WRNIP1: variants seen among roughly 807,000 people sequenced by gnomAD.
WRNIP1 encodes WRN helicase interacting protein 1.
WRNIP1 carries 41 observed loss-of-function variants against 56.1 expected under a neutral mutation model. That is an observed-to-expected ratio of 0.73 (90% CI 0.57 to 0.95). The LOEUF is 0.95. Among genes scored for constraint, WRNIP1 ranks in the 40% least tolerant of loss-of-function variants. The pLI is 0.00. For synonymous variants in WRNIP1, 547 were observed against 398.1 expected, an observed-to-expected ratio of 1.37 and a Z score of -4.45; for missense variants, 1,170 against 939.4, an observed-to-expected ratio of 1.25 and a Z score of -3.21.
intron 3 of WRNIP1, among the ~76,000 whole-genome samples, chr6:2,772,125 A>G (rs1277820827): frequency 6.6e-6 from 1 of 152,232 alleles, no homozygotes; most frequent in African/African-American, 2.4e-5. Flanking sequence ...GCAGCCAAGG[A>G]GCTCATCCTT....
intron 3 of WRNIP1, among the ~76,000 whole-genome samples, chr6:2,775,236 A>G (rs182587689): frequency 6.6e-6 from 1 of 152,128 alleles, no homozygotes; most frequent in Admixed American, 6.5e-5. Context: ...CTCTCTTGGC[A>G]CTTCTTTGTG....
chr6:2,771,195 T>TC (rs1011068947), intron 3 of WRNIP1, among the ~76,000 whole-genome samples: 11 of 152,226 alleles, frequency 7.2e-5, no homozygotes, highest in Admixed American at 6.5e-4. Flanking sequence ...GAGGCCAAGT[T>TC]CTGGAGCCAC....
chr6:2,781,190 G>A (rs1190081863), intron 4 of WRNIP1, among the ~76,000 whole-genome samples: 2 of 152,182 alleles, frequency 1.3e-5, no homozygotes, highest in Non-Finnish European at 2.9e-5. Flanking sequence ...TCAGTCCTAG[G>A]AATCCCACTT....
At chr6:2,784,049 C>T (rs1765647993) in intron 5 of WRNIP1, among the ~76,000 whole-genome samples, 1 of 152,192 alleles carries the variant, frequency 6.6e-6, no homozygotes, top group Non-Finnish European at 1.5e-5. Context: ...ATAGCCTTCA[C>T]TTCTTATGTT....
In WRNIP1 at chr6:2,765,999, TC is replaced by T; in HGVS notation, c.380del (p.Pro127ArgfsTer155). On this transcript the variant is annotated frameshift_variant, in exon 1 of 7. Coordinates refer to ENST00000380773, the MANE Select transcript of WRNIP1 (RefSeq NM_020135.3). LOFTEE classifies it high-confidence loss of function. ...TPSGARLIPDFPVARSSSPGR... is the reference protein window; with the variant it reads ...TPSGARLIPDXPVARSSSPGR... ...AGCGGCGCCCGCCTTATCCCCGACT[TC>T]CCGGTGGCCCGCTCCAGCAGCCCCG... The T allele has an allele frequency of 7.3e-7, 1 of 1,367,636 alleles. No individual in the cohort carries two copies. The highest frequency in any genetic ancestry group is 3.0e-5 in the Admixed American group (1 of 33,150). The allele number at this position is 1,367,636 out of a possible 1,614,324, so 84.7% of individuals were successfully genotyped here.
intron 4 of WRNIP1, among the ~76,000 whole-genome samples, chr6:2,779,943 A>G (rs953735305): frequency 1.3e-5 from 2 of 152,238 alleles, no homozygotes; most frequent in Non-Finnish European, 2.9e-5. Context: ...CTATACTAAA[A>G]AATAGTCATG....
intron 3 of WRNIP1, chr6:2,774,353 A>G: frequency 1.1e-6 from 1 of 889,666 alleles, no homozygotes; most frequent in East Asian, 1.2e-4. Flanking sequence ...TCTGAAAGCC[A>G]GAAGACCAGA....
chr6:2,767,221 CTT>C (rs1036064299), intron 1 of WRNIP1, among the ~76,000 whole-genome samples: 17 of 152,038 alleles, frequency 1.1e-4, no homozygotes, highest in African/African-American at 3.6e-4. Flanking sequence ...TGGAAAAACA[CTT>C]GAGAAAAAAA....
intron 2 of WRNIP1, among the ~76,000 whole-genome samples, 186 bp downstream of exon 2, chr6:2,769,068 C>T (rs1316746740): frequency 1.3e-5 from 2 of 152,140 alleles, no homozygotes; most frequent in African/African-American, 2.4e-5. Flanking sequence ...CAAGAAAATG[C>T]TTTCTCTATC....
At position 2,765,505 on chromosome 6, in the gene WRNIP1, C is replaced by T. The variant is rs992066005; in HGVS notation, c.-118C>T. On this transcript the variant is annotated 5_prime_UTR_variant, in exon 1 of 7. Transcript: ENST00000380773. ...CGCCCTCCTCCGGCCCGCGAGCGTCCTGCTGGTTCCCCGAGCGAGGGTCTC... is the reference window on the plus strand; with the variant it reads ...CGCCCTCCTCCGGCCCGCGAGCGTCTTGCTGGTTCCCCGAGCGAGGGTCTC... 3.2e-6 allele frequency: 4 copies of T among 1,252,148 alleles called. No homozygotes were observed. Among genetic ancestry groups the T allele is most frequent in the Non-Finnish European group, 4.0e-6 (4 of 990,958 alleles). 77.6% of individuals were successfully genotyped at this position (1,252,148 alleles called of 1,614,324 possible).
chr6:2,768,710 TAGCC>T lies in WRNIP1; in HGVS notation c.846_849del (p.Ser283ThrfsTer7). ...TTCTAGACCACTCTGGCTCACATCATAGCCAGCAACAGCAAGAAACATAGCATAA... is the reference window on the plus strand; with the variant it reads ...TTCTAGACCACTCTGGCTCACATCATAGCAACAGCAAGAAACATAGCATAA... On this transcript the variant is annotated frameshift_variant, in exon 2 of 7. Transcript: ENST00000380773. LOFTEE classifies it high-confidence loss of function. 6.2e-7 allele frequency: 1 copy of T among 1,611,798 alleles called. No individual in the cohort carries two copies. Among genetic ancestry groups the T allele is most frequent in the Non-Finnish European group, 8.5e-7 (1 of 1,178,726 alleles).
chr6:2,779,792 A>G (rs1344367802), intron 4 of WRNIP1, among the ~76,000 whole-genome samples: 7 of 152,226 alleles, frequency 4.6e-5, no homozygotes, highest in African/African-American at 1.7e-4. Flanking sequence ...TGCAGAATAC[A>G]ATCACCTTTG....
Position 2,765,937 on chromosome 6 carries a change from C to T in WRNIP1, c.315C>T (p.Thr105=), listed in dbSNP as rs775929236. ...EGEEGDDGGE[T]ESRESYDAPP... ...AGGAGGGCGACGACGGCGGCGAGACCGAGAGCCGCGAGAGCTACGACGCGC... is the reference window on the plus strand; with the variant it reads ...AGGAGGGCGACGACGGCGGCGAGACTGAGAGCCGCGAGAGCTACGACGCGC... The change falls in exon 1 of 7, where the codon ACC becomes ACT. Residue 105 remains threonine, a synonymous_variant. Coordinates refer to ENST00000380773, the MANE Select transcript of WRNIP1 (RefSeq NM_020135.3). The T allele has an allele frequency of 6.9e-6, 10 of 1,443,188 alleles. No homozygotes were observed. Among genetic ancestry groups the T allele is most frequent in the East Asian group, 3.0e-5 (1 of 33,088 alleles). The allele number at this position is 1,443,188 out of a possible 1,614,324, so 89.4% of individuals were successfully genotyped here. A position where few individuals can be genotyped will look rare whatever the true frequency, so the allele number is the denominator to read the frequency against.
intron 4 of WRNIP1, among the ~76,000 whole-genome samples, chr6:2,780,775 G>GTC (rs371450692): frequency 5.9e-5 from 9 of 152,050 alleles, no homozygotes; most frequent in South Asian, 2.1e-4. Context: ...AGCAGCAGCG[G>GTC]TCTCTCTCTC....
At chr6:2,772,896 A>G in intron 3 of WRNIP1, 2 of 889,798 alleles carry the variant, frequency 2.2e-6, no homozygotes, top group Non-Finnish European at 2.7e-6. Context: ...TCTAGTTGAA[A>G]GAAAAGACTT....
Position 2,779,492 on chromosome 6 carries a change from G to C in WRNIP1, c.1486G>C (p.Gly496Arg), listed in dbSNP as rs751875576. Residue 496 changes from glycine to arginine, a missense_variant and splice_region_variant, in exon 4 of 7, where the codon GGT becomes CGT. By Grantham distance (125) the Gly-to-Arg change is moderately radical. Coordinates refer to ENST00000380773, the MANE Select transcript of WRNIP1 (RefSeq NM_020135.3). ...ATCCCACATTTTATATGACCGGGCA[G>C]GTAAGTAATTCACCTGTGGAAAGAG... ...QRSHILYDRA[G>R]EEHYNCISAL... 2 of 1,612,368 alleles carry C rather than the reference G, an allele frequency of 1.2e-6. No individual in the cohort carries two copies. The highest frequency in any genetic ancestry group is 1.7e-6 in the Non-Finnish European group (2 of 1,179,108).
At chr6:2,776,860 G>A (rs1421564458) in intron 3 of WRNIP1, among the ~76,000 whole-genome samples, 3 of 152,114 alleles carry the variant, frequency 2.0e-5, no homozygotes, top group South Asian at 2.1e-4. Flanking sequence ...AAATACTAAC[G>A]TCAAGGTAGT....
At position 2,779,299 on chromosome 6, in the gene WRNIP1, C is replaced by T. The variant is rs773859251; in HGVS notation, c.1293C>T (p.Thr431=). 1 of 1,614,124 alleles carries T rather than the reference C, an allele frequency of 6.2e-7. No homozygotes were observed. Among genetic ancestry groups the T allele is most frequent in the East Asian group, 2.2e-5 (1 of 44,882 alleles). ...AMFIEDKAVD[T]LAYLSDGDAR... ...TCATAGAGGATAAAGCAGTAGACAC[C>T]CTGGCTTACCTCAGTGACGGTGACG... The change falls in exon 4 of 7, where the codon ACC becomes ACT. Residue 431 remains threonine, a synonymous_variant. Transcript: ENST00000380773.
chr6:2,765,560 AG>A lies in WRNIP1; in HGVS notation c.-61del. On this transcript the variant is annotated 5_prime_UTR_variant, in exon 1 of 7. Coordinates refer to ENST00000380773, the MANE Select transcript of WRNIP1 (RefSeq NM_020135.3). The stretch of plus-strand genomic sequence containing the variant: ...CGCGGGGCCTAGCGGAGGGCATCGA[AG>A]GCCTCCGCGTGCGCACGGGTTGCTG... 7.2e-7 allele frequency: 1 copy of A among 1,382,734 alleles called. No homozygotes were observed. The highest frequency in any genetic ancestry group is 3.4e-5 in the Admixed American group (1 of 29,010). The allele number at this position is 1,382,734 out of a possible 1,614,324, so 85.7% of individuals were successfully genotyped here.
Sources: allele counts gnomAD v4.1 joint callset (sites outside exome capture counted in the v4.1 genomes callset), GRCh38; gene constraint gnomAD v4.1.1; transcripts MANE v1.5; gene names NCBI Gene and HGNC (gene_info 2026-07-23, HGNC 2026-07-21).